Variants in ADAMTSL1 observed in about 807,000 individuals in gnomAD.
The protein encoded by ADAMTSL1 is ADAMTS like 1, also known as ADAMTS-like protein 1.
A neutral mutation model predicts 201.8 loss-of-function variants in ADAMTSL1; 126 were observed. The observed-to-expected ratio is 0.62, with a 90% CI of 0.54 to 0.72. The LOEUF is 0.72. Ranked by LOEUF, ADAMTSL1 falls within the 30% of genes least tolerant of loss-of-function variation. The pLI is 0.00. For missense variants in ADAMTSL1, 2,679 were observed against 2,277.8 expected, an observed-to-expected ratio of 1.18 and a Z score of -3.59; for synonymous variants, 1,121 against 903.4, an observed-to-expected ratio of 1.24 and a Z score of -4.32.
At chr9:18,573,745 A>G (rs1421271004) in intron 3 of ADAMTSL1, among the ~76,000 whole-genome samples, 2 of 152,194 alleles carry the variant, frequency 1.3e-5, no homozygotes, top group Non-Finnish European at 2.9e-5. Flanking sequence ...GACAACTTTC[A>G]AAAAATGTAT....
chr9:18,565,296 A>G (rs1339659169), intron 3 of ADAMTSL1, among the ~76,000 whole-genome samples: 1 of 152,214 alleles, frequency 6.6e-6, no homozygotes, highest in Non-Finnish European at 1.5e-5. Context: ...AAAGAGTTCC[A>G]TATTATTTTC....
intron 2 of ADAMTSL1, among the ~76,000 whole-genome samples, chr9:18,256,045 G>A (rs1237201386): frequency 6.6e-6 from 1 of 152,172 alleles, no homozygotes; most frequent in Non-Finnish European, 1.5e-5. Context: ...ATTTGAAGAT[G>A]CTCTTCCAAC....
intron 13 of ADAMTSL1, among the ~76,000 whole-genome samples, chr9:18,699,420 G>A (rs1199293814): frequency 2.0e-5 from 3 of 151,288 alleles, no homozygotes; most frequent in East Asian, 1.9e-4. Context: ...GAACTCCTGG[G>A]TGCAAGAGAT....
At chr9:17,973,038 G>A (rs1447529810) in intron 1 of ADAMTSL1, among the ~76,000 whole-genome samples, 1 of 136,952 alleles carries the variant, frequency 7.3e-6, no homozygotes. Context: ...AAATTTGTTT[G>A]AGTTCATTGT....
intron 3 of ADAMTSL1, among the ~76,000 whole-genome samples, chr9:18,564,524 A>C (rs1190266892): frequency 6.6e-6 from 1 of 152,206 alleles, no homozygotes; most frequent in East Asian, 1.9e-4. Context: ...AACAGACCCA[A>C]GGAATAGTGG....
intron 20 of ADAMTSL1, among the ~76,000 whole-genome samples, chr9:18,816,305 C>T (rs1417034633): frequency 2.6e-5 from 4 of 152,144 alleles, no homozygotes; most frequent in Non-Finnish European, 4.4e-5. Context: ...GGTGTGACCT[C>T]GGCTCATTGC....
intron 23 of ADAMTSL1, among the ~76,000 whole-genome samples, chr9:18,882,154 A>G (rs1828572996): frequency 6.6e-6 from 1 of 152,184 alleles, no homozygotes; most frequent in Non-Finnish European, 1.5e-5. Flanking sequence ...TTCTGCCTAA[A>G]TACTCTCTCA....
intron 2 of ADAMTSL1, among the ~76,000 whole-genome samples, chr9:18,465,702 G>T (rs1284797732): frequency 1.3e-5 from 2 of 152,154 alleles, no homozygotes; most frequent in African/African-American, 2.4e-5. Flanking sequence ...AAAAAGAATA[G>T]ATATGGATGG....
At chr9:18,475,623 AAGAAC>A (rs1419047086) in intron 1 of ADAMTSL1, among the ~76,000 whole-genome samples, 1 of 152,214 alleles carries the variant, frequency 6.6e-6, no homozygotes, top group African/African-American at 2.4e-5. Context: ...GAAAAATACA[AAGAAC>A]AGAATGTTTA....
chr9:17,914,820 A>G (rs1053334324), intron 1 of ADAMTSL1, among the ~76,000 whole-genome samples: 3 of 152,132 alleles, frequency 2.0e-5, no homozygotes, highest in Admixed American at 6.5e-5. Flanking sequence ...CAACTTCAGC[A>G]AAGTCTCAGG....
chr9:18,034,268 T>C (rs10756924), intron 1 of ADAMTSL1, among the ~76,000 whole-genome samples: 65,196 of 151,790 alleles, frequency 0.43, 14,963 homozygotes, highest in Non-Finnish European at 0.51. Context: ...TTCCTGGGCC[T>C]TCTTTAGCTT....
chr9:18,163,307 C>G (rs570941939), intron 1 of ADAMTSL1, among the ~76,000 whole-genome samples: 25 of 152,094 alleles, frequency 1.6e-4, no homozygotes, highest in African/African-American at 5.8e-4. Flanking sequence ...TGTAAAGAAC[C>G]TGGAATGTGA....
chr9:18,799,408 G>A (rs965544650), intron 20 of ADAMTSL1, among the ~76,000 whole-genome samples: 1 of 152,182 alleles, frequency 6.6e-6, no homozygotes. Flanking sequence ...GAATGGCCTA[G>A]GCAAACTTTT....
chr9:18,601,541 G>A (rs1424569472), intron 4 of ADAMTSL1, among the ~76,000 whole-genome samples: 1 of 152,182 alleles, frequency 6.6e-6, no homozygotes, highest in African/African-American at 2.4e-5. Context: ...CCATGGCCAG[G>A]GGATGGAGTG....
At chr9:18,261,378 G>T (rs148710525) in intron 2 of ADAMTSL1, among the ~76,000 whole-genome samples, 65 of 152,214 alleles carry the variant, frequency 4.3e-4, no homozygotes, top group African/African-American at 1.5e-3. Context: ...ATCTAACACA[G>T]ATAAATAATA....
chr9:18,495,617 A>T (rs779451506), intron 1 of ADAMTSL1, among the ~76,000 whole-genome samples: 5 of 152,228 alleles, frequency 3.3e-5, no homozygotes, highest in African/African-American at 4.8e-5. Context: ...CTGTAGTTAC[A>T]GCTACAGGTT....
intron 1 of ADAMTSL1, among the ~76,000 whole-genome samples, chr9:18,047,615 G>T (rs185944885): frequency 4.6e-4 from 70 of 152,244 alleles, no homozygotes; most frequent in Admixed American, 2.7e-3. Flanking sequence ...TGAGGTCTTG[G>T]GGGTGGGGTG....
intron 2 of ADAMTSL1, among the ~76,000 whole-genome samples, chr9:18,397,159 C>T (rs1229509475): frequency 6.6e-6 from 1 of 152,026 alleles, no homozygotes; most frequent in African/African-American, 2.4e-5. Flanking sequence ...CTTTTTCCCC[C>T]ACTCTTTTAC....
chr9:18,460,765 T>C (rs1820779137), intron 2 of ADAMTSL1, among the ~76,000 whole-genome samples: 1 of 152,192 alleles, frequency 6.6e-6, no homozygotes, highest in Admixed American at 6.5e-5. Context: ...GACAACACTT[T>C]TGACATCCAT....
Sources: gnomAD v4.1 joint callset for allele counts (sites outside exome capture counted in the v4.1 genomes callset) on GRCh38, gnomAD v4.1.1 for gene constraint, MANE v1.5 for transcripts, NCBI Gene and HGNC (gene_info 2026-07-23, HGNC 2026-07-21) for gene names.